The following PDE2A variants were observed in gnomAD, a reference collection of about 807,000 sequenced individuals.
The protein encoded by PDE2A is phosphodiesterase 2A, also known as cGMP-dependent 3',5'-cyclic phosphodiesterase.
A neutral mutation model predicts 133.6 loss-of-function variants in PDE2A; 53 were observed. That is an observed-to-expected ratio of 0.40 (90% CI 0.32 to 0.50). The LOEUF (loss-of-function observed/expected upper bound fraction) is 0.50, where lower values mean the gene tolerates loss of function less well. Among genes scored for constraint, PDE2A ranks in the 20% least tolerant of loss-of-function variants. PDE2A has a pLI of 0.73. For missense variants in PDE2A, 796 were observed against 1,232.4 expected (o/e 0.65, Z 5.30); for synonymous variants, 491 against 490.2 (o/e 1.00, Z -0.02).
chr11:72,597,679 G>T lies in PDE2A; in HGVS notation c.324-60C>A. ...CCGACTCAGGGAGGAACGAGGCCTG[G>T]CCTGGGAACACAGGACAGTTTGGAC... On this transcript the variant is annotated intron_variant, in intron 4 of 30. Transcript: ENST00000334456. This position sits in a 1 kb window ranked among gnomAD's most constrained non-coding sequence, Gnocchi z 4.6. 1.7e-6 allele frequency: 2 copies of T among 1,154,206 alleles called. No individual in the cohort carries two copies. Among genetic ancestry groups the T allele is most frequent in the Non-Finnish European group, 2.6e-6 (2 of 780,894 alleles). 71.5% of individuals were successfully genotyped at this position (1,154,206 alleles called of 1,614,324 possible). A position where few individuals can be genotyped will look rare whatever the true frequency, so the allele number is the denominator to read the frequency against.
intron 2 of PDE2A, among the ~76,000 whole-genome samples, chr11:72,641,636 C>T (rs1306602652): frequency 1.3e-5 from 2 of 152,120 alleles, no homozygotes; most frequent in African/African-American, 2.4e-5. Flanking sequence ...AGGAAAGACT[C>T]GGAGATCTCC....
At chr11:72,643,103 C>T (rs1859027490) in intron 1 of PDE2A, 1 of 152,582 alleles carries the variant, frequency 6.6e-6, no homozygotes, top group Admixed American at 6.5e-5. Context: ...GCCACACGGT[C>T]CGCAGTTCCG....
intron 1 of PDE2A, among the ~76,000 whole-genome samples, chr11:72,662,770 G>T (rs984338718): frequency 1.3e-5 from 2 of 152,092 alleles, no homozygotes; most frequent in Admixed American, 1.3e-4. Context: ...TTGGCCAACC[G>T]CAATACTGCC....
At chr11:72,672,113 C>G (rs1855399469) in intron 1 of PDE2A, among the ~76,000 whole-genome samples, 1 of 152,146 alleles carries the variant, frequency 6.6e-6, no homozygotes, top group Admixed American at 6.5e-5. Context: ...GGCCCCACCT[C>G]TCTCTTCCAG....
At chr11:72,660,661 G>A (rs1487530426) in intron 1 of PDE2A, among the ~76,000 whole-genome samples, 1 of 152,144 alleles carries the variant, frequency 6.6e-6, no homozygotes, top group African/African-American at 2.4e-5. Context: ...GCAGAGATCT[G>A]AACCAAGAGA....
intron 2 of PDE2A, among the ~76,000 whole-genome samples, chr11:72,620,784 A>G (rs959262345): frequency 2.0e-5 from 3 of 151,888 alleles, no homozygotes; most frequent in Non-Finnish European, 4.4e-5. Context: ...TGACAGTGGT[A>G]AGGACGGCAG....
chr11:72,626,805 C>T (rs1362859069), intron 2 of PDE2A, among the ~76,000 whole-genome samples: 1 of 152,230 alleles, frequency 6.6e-6, no homozygotes, highest in Non-Finnish European at 1.5e-5. Context: ...GACTCTGGCA[C>T]CAAGCCTTCC....
intron 1 of PDE2A, chr11:72,668,154 G>A (rs192897084): frequency 4.0e-5 from 28 of 695,910 alleles, no homozygotes; most frequent in Middle Eastern, 3.7e-4. Context: ...CTGCTCAGCT[G>A]TTCCTCTGCC....
intron 2 of PDE2A, among the ~76,000 whole-genome samples, chr11:72,610,012 C>T (rs1313098028): frequency 6.6e-6 from 1 of 152,012 alleles, no homozygotes; most frequent in East Asian, 1.9e-4. Flanking sequence ...GTTAGACCAT[C>T]CCCTGTTCAT....
intron 13 of PDE2A, among the ~76,000 whole-genome samples, chr11:72,586,531 C>T (rs372001964): frequency 2.6e-5 from 4 of 152,318 alleles, no homozygotes; most frequent in East Asian, 3.9e-4. Flanking sequence ...TGGGGAGGGG[C>T]GGTGGCACTG....
intron 1 of PDE2A, chr11:72,658,150 G>A (rs776963201): frequency 2.2e-6 from 1 of 455,938 alleles, no homozygotes; most frequent in Non-Finnish European, 4.4e-6. Flanking sequence ...CAATCCTCTG[G>A]GAAGCCTTTC....
Position 72,578,389 on chromosome 11 carries a change from A to G in PDE2A, c.2509-50T>C, listed in dbSNP as rs755167924. On this transcript the variant is annotated intron_variant, in intron 29 of 30. Transcript: ENST00000334456. This position sits in a 1 kb window ranked among gnomAD's most constrained non-coding sequence, Gnocchi z 4.2. ...TGTCCCTCTCATTCCTCCATCGGGT[A>G]CCAGGGTCAGGCTAGTTCAAGCCCT... 1.3e-6 allele frequency: 2 copies of G among 1,575,870 alleles called. No individual in the cohort carries two copies. Among genetic ancestry groups the G allele is most frequent in the Non-Finnish European group, 1.7e-6 (2 of 1,145,226 alleles).
chr11:72,586,177 T>A lies in PDE2A; in HGVS notation c.1075A>T (p.Thr359Ser), dbSNP rs1209062103. ...AFNKLEGDLF[T>S]DEDEHVIQHC... is the part of the protein sequence containing the mutation. ...TGGATCACATGCTCGTCCTCGTCGG[T>A]GAACCTGGAGGAGGGGGTGGGCTCA... Residue 359 changes from threonine to serine, a missense_variant, in exon 14 of 31, where the codon ACC becomes TCC. Transcript: ENST00000334456. The A allele has an allele frequency of 1.2e-6, 2 of 1,600,130 alleles. No homozygotes were observed. The highest frequency in any genetic ancestry group is 3.4e-5 in the Admixed American group (2 of 59,548).
chr11:72,656,016 A>G (rs1854889197), intron 1 of PDE2A, among the ~76,000 whole-genome samples: 1 of 152,184 alleles, frequency 6.6e-6, no homozygotes, highest in African/African-American at 2.4e-5. Flanking sequence ...CTTGGCGGCC[A>G]CCAGGCAGGA....
intron 4 of PDE2A, among the ~76,000 whole-genome samples, chr11:72,600,848 G>C (rs539599813): frequency 6.6e-6 from 1 of 152,104 alleles, no homozygotes; most frequent in Non-Finnish European, 1.5e-5. Flanking sequence ...GGACAGATGG[G>C]CACAGAGTGG....
intron 2 of PDE2A, among the ~76,000 whole-genome samples, chr11:72,637,568 G>A (rs1293139691): frequency 6.6e-6 from 1 of 152,258 alleles, no homozygotes; most frequent in Non-Finnish European, 1.5e-5. Flanking sequence ...GCATCTGGGA[G>A]GACCCTTCAT....
rs578146017 is a variant in PDE2A, at chr11:72,599,432, A to G, written c.324-1813T>C. Among the ~76,000 whole-genome samples, 67 of 152,164 alleles carry G rather than the reference A, an allele frequency of 4.4e-4. 1 individual carries two copies. The highest frequency in any genetic ancestry group is 4.3e-3 in the Admixed American group (66 of 15,280). On this transcript the variant is annotated intron_variant, in intron 4 of 30. Coordinates refer to ENST00000334456, the MANE Select transcript of PDE2A (RefSeq NM_002599.5). ...ATCTCCACTCCCTCCACCTCACAAC[A>G]AAGCAGCACAACCATCCACCAGGTC...
intron 2 of PDE2A, among the ~76,000 whole-genome samples, chr11:72,640,235 A>T (rs993228210): frequency 4.0e-5 from 6 of 151,802 alleles, no homozygotes; most frequent in African/African-American, 1.5e-4. Flanking sequence ...ATCCAATTAA[A>T]TTCAATACGC....
At chr11:72,653,824 A>C (rs1454441111) in intron 1 of PDE2A, among the ~76,000 whole-genome samples, 1 of 152,260 alleles carries the variant, frequency 6.6e-6, no homozygotes, top group African/African-American at 2.4e-5. Context: ...ATCTGGGCAC[A>C]GAAGCTCAGA....
Sources: allele counts gnomAD v4.1 joint callset (sites outside exome capture counted in the v4.1 genomes callset), GRCh38; gene constraint gnomAD v4.1.1; non-coding constraint Gnocchi (gnomAD v3.1); transcripts MANE v1.5; gene names NCBI Gene and HGNC (gene_info 2026-07-23, HGNC 2026-07-21).